The following SLIT2 variants were observed in gnomAD, a reference collection of about 807,000 sequenced individuals.
SLIT2 encodes the protein slit guidance ligand 2.
A neutral mutation model predicts 185.7 loss-of-function variants in SLIT2; 41 were observed. The ratio of observed to expected loss-of-function variants is 0.22; its 90% CI spans 0.17 to 0.29. The LOEUF (loss-of-function observed/expected upper bound fraction) is 0.29. SLIT2 is among the 10% of genes least tolerant of loss of function. The pLI, the probability that SLIT2 is intolerant of heterozygous loss-of-function variation, is 1.00. For missense variants in SLIT2, 1,571 were observed against 1,909.0 expected, an observed-to-expected ratio of 0.82 and a Z score of 3.30; for synonymous variants, 693 against 680.2, an observed-to-expected ratio of 1.02 and a Z score of -0.29.
chr4:20,253,493 A>G lies in SLIT2; in HGVS notation c.-323A>G, dbSNP rs1722199537. The stretch of plus-strand genomic sequence containing the variant: ...CCCCAGCTCTTTTACCGCCAAGTTC[A>G]TCCTTGGGAGACAGAAGACGCGTGA... On this transcript the variant is annotated 5_prime_UTR_variant, in exon 1 of 37. Transcript: ENST00000504154. 5.6e-6 allele frequency: 2 copies of G among 354,048 alleles called. No homozygotes were observed. The highest frequency in any genetic ancestry group is 1.2e-4 in the South Asian group (2 of 17,164). 21.9% of individuals were successfully genotyped at this position (354,048 alleles called of 1,614,324 possible). A position where few individuals can be genotyped will look rare whatever the true frequency, so the allele number is the denominator to read the frequency against.
chr4:20,431,768 G>T (rs947712873), intron 4 of SLIT2, among the ~76,000 whole-genome samples: 1 of 152,156 alleles, frequency 6.6e-6, no homozygotes, highest in Non-Finnish European at 1.5e-5. Context: ...TAGCTTATTT[G>T]ACTTCTTGGA....
At chr4:20,463,467 ATATATATATATATATATATATATATG>A (rs1220212338) in intron 4 of SLIT2, among the ~76,000 whole-genome samples, 3 of 83,616 alleles carry the variant, frequency 3.6e-5, no homozygotes, top group Admixed American at 1.3e-4. Context: ...ATATATATAT[ATATATATATATATATATATATATATG>A]TGTGTGTGCG....
At chr4:20,290,259 C>T (rs1715665537) in intron 4 of SLIT2, among the ~76,000 whole-genome samples, 1 of 152,170 alleles carries the variant, frequency 6.6e-6, no homozygotes, top group African/African-American at 2.4e-5. Flanking sequence ...ACAGTCAGCC[C>T]TTCGTGTCTG....
chr4:20,393,817 C>T (rs1442197466), intron 4 of SLIT2, among the ~76,000 whole-genome samples: 1 of 152,052 alleles, frequency 6.6e-6, no homozygotes, highest in Non-Finnish European at 1.5e-5. Context: ...ACTGAAAATT[C>T]ATGGCTTGTC....
chr4:20,619,039 A>G lies in SLIT2; in HGVS notation c.*30A>G, dbSNP rs747807811. On this transcript the variant is annotated 3_prime_UTR_variant, in exon 37 of 37. Transcript: ENST00000504154. Reference sequence around the variant, plus strand: ...ACTCCCGGCAGCTCTGTCTTTGGAAAAGGTTGTATACTTCTTGACCGTGTG... The same window carrying G: ...ACTCCCGGCAGCTCTGTCTTTGGAAGAGGTTGTATACTTCTTGACCGTGTG... The G allele has an allele frequency of 9.4e-6, 15 of 1,600,636 alleles. No homozygotes were observed. Among genetic ancestry groups the G allele is most frequent in the Admixed American group, 8.4e-5 (5 of 59,800 alleles).
intron 4 of SLIT2, among the ~76,000 whole-genome samples, chr4:20,415,438 T>G (rs1406462590): frequency 6.7e-6 from 1 of 148,318 alleles, no homozygotes; most frequent in East Asian, 2.0e-4. Context: ...AAAAAAGGCT[T>G]TATAAATATT....
At chr4:20,388,637 G>A (rs1013050568) in intron 4 of SLIT2, among the ~76,000 whole-genome samples, 4 of 151,654 alleles carry the variant, frequency 2.6e-5, no homozygotes, top group African/African-American at 9.7e-5. Context: ...AACCAGGCGT[G>A]GTGGCGTGTG....
intron 4 of SLIT2, among the ~76,000 whole-genome samples, chr4:20,337,598 T>C (rs1211858730): frequency 1.3e-5 from 2 of 152,184 alleles, no homozygotes; most frequent in African/African-American, 2.4e-5. Flanking sequence ...TAGATAATTA[T>C]AGAGTCAGGA....
chr4:20,354,586 A>G (rs939414648), intron 4 of SLIT2, among the ~76,000 whole-genome samples: 5 of 152,162 alleles, frequency 3.3e-5, no homozygotes, highest in Admixed American at 6.5e-5. Context: ...TCTTCATGGC[A>G]TGTTTTTGGA....
At chr4:20,573,489 A>C (rs1725803350) in intron 29 of SLIT2, among the ~76,000 whole-genome samples, 1 of 152,208 alleles carries the variant, frequency 6.6e-6, no homozygotes, top group South Asian at 2.1e-4. Flanking sequence ...GAAGACAATG[A>C]ATAGAAACTT....
At position 20,589,853 on chromosome 4, in the gene SLIT2, T is replaced by C. The variant is rs917763476; in HGVS notation, c.3182+116T>C. On this transcript the variant is annotated intron_variant, in intron 30 of 36. Coordinates refer to ENST00000504154, the MANE Select transcript of SLIT2 (RefSeq NM_004787.4). ...CTCTGCTCAGGATTAAAGGGACCTA[T>C]TCACTAGTATCAGTGACATTTTTTA... 6.0e-6 allele frequency: 4 copies of C among 662,522 alleles called. No individual in the cohort carries two copies. In the African/African-American group the frequency reaches 7.3e-5, roughly 12 times the overall value. The allele number at this position is 662,522 out of a possible 1,614,324, so 41.0% of individuals were successfully genotyped here. A position where few individuals can be genotyped will look rare whatever the true frequency, so the allele number is the denominator to read the frequency against.
chr4:20,564,075 C>G (rs1724902523), intron 26 of SLIT2, among the ~76,000 whole-genome samples: 1 of 151,722 alleles, frequency 6.6e-6, no homozygotes, highest in African/African-American at 2.4e-5. Flanking sequence ...TGTGCTTCTT[C>G]CCTCATTTTA....
chr4:20,559,367 A>T (rs1724513799), intron 26 of SLIT2, among the ~76,000 whole-genome samples: 1 of 151,966 alleles, frequency 6.6e-6, no homozygotes, highest in Non-Finnish European at 1.5e-5. Flanking sequence ...CGTTTAGAAG[A>T]CTTAAGAGTT....
At chr4:20,472,318 A>ATAGATATCTATATAGATATC (rs1715257897) in intron 5 of SLIT2, among the ~76,000 whole-genome samples, 2 of 9,352 alleles carry the variant, frequency 2.1e-4, no homozygotes, top group Non-Finnish European at 3.1e-4. Flanking sequence ...ATATATAGAT[A>ATAGATATCTATATAGATATC]TATATATCTA....
chr4:20,618,946 C>T lies in SLIT2; in HGVS notation c.4527C>T (p.Gly1509=), dbSNP rs1483380127. The T allele has an allele frequency of 1.2e-6, 2 of 1,614,098 alleles. No homozygotes were observed. Among genetic ancestry groups the T allele is most frequent in the South Asian group, 1.1e-5 (1 of 91,074 alleles). ...RRKYSFECTD[G]SSFVDEVEKV... ...AATACTCTTTCGAATGCACTGACGG[C>T]TCCTCCTTTGTGGACGAGGTTGAGA... The change falls in exon 37 of 37, where the codon GGC becomes GGT. Residue 1509 remains glycine, a synonymous_variant. Coordinates refer to ENST00000504154, the MANE Select transcript of SLIT2 (RefSeq NM_004787.4).
rs373226045 is a variant in SLIT2, at chr4:20,547,721, AT to A, written c.2346-761del. ...ACATATTGTATATATATTTTAATAT[AT>A]TTTTTACATATATAGTGTGTGTATA... On this transcript the variant is annotated intron_variant, in intron 22 of 36. Transcript: ENST00000504154. Among the ~76,000 whole-genome samples, 396 of 150,288 alleles carry A rather than the reference AT, an allele frequency of 2.6e-3. 10 individuals carry two copies. The South Asian group carries it at 0.06, about 23-fold the overall frequency.
At chr4:20,472,234 AGATC>A (rs1168726427) in intron 5 of SLIT2, among the ~76,000 whole-genome samples, 1 of 101,866 alleles carries the variant, frequency 9.8e-6, no homozygotes, top group Non-Finnish European at 1.9e-5. Flanking sequence ...ATATATATAT[AGATC>A]TATATATCTA....
chr4:20,342,432 G>C (rs2109235987), intron 4 of SLIT2, among the ~76,000 whole-genome samples: 1 of 152,166 alleles, frequency 6.6e-6, no homozygotes, highest in Admixed American at 6.5e-5. Flanking sequence ...TATGCTAACA[G>C]GGTTTTACCA....
At position 20,570,505 on chromosome 4, in the gene SLIT2, C is replaced by T. The variant is rs538101488; in HGVS notation, c.3088+1501C>T. Among the ~76,000 whole-genome samples, 19 of 151,716 alleles carry T rather than the reference C, an allele frequency of 1.3e-4. No homozygotes were observed. In the South Asian group the frequency reaches 4.0e-3, roughly 32 times the overall value. ...GGCTAATTTAGACTTCTCCAAGAAG[C>T]CCGATGTTTGCACTAAAATCTGCTA... is the stretch of plus-strand genomic sequence containing the variant. On this transcript the variant is annotated intron_variant, in intron 29 of 36. Coordinates refer to ENST00000504154, the MANE Select transcript of SLIT2 (RefSeq NM_004787.4).
Sources: gnomAD v4.1 joint callset for allele counts (sites outside exome capture counted in the v4.1 genomes callset) on GRCh38, gnomAD v4.1.1 for gene constraint, MANE v1.5 for transcripts, NCBI Gene and HGNC (gene_info 2026-07-23, HGNC 2026-07-21) for gene names.